Variants in DNAAF4 observed in about 807,000 individuals in gnomAD.
DNAAF4 encodes the protein dynein axonemal assembly factor 4, also known as dynein assembly factor 4, axonemal.
A neutral mutation model predicts 51.8 loss-of-function variants in DNAAF4; 43 were observed. That is an observed-to-expected ratio of 0.83 (90% confidence interval 0.65 to 1.07). DNAAF4 has a LOEUF of 1.07. Among genes scored for constraint, DNAAF4 ranks in the 50% least tolerant of loss-of-function variants. The probability of loss-of-function intolerance (pLI) is 0.00; values close to 1 mark genes in which losing one functional copy is unlikely to be tolerated. For missense variants in DNAAF4, 581 were observed against 493.0 expected, an observed-to-expected ratio of 1.18 and a Z score of -1.69; for synonymous variants, 194 against 165.6, an observed-to-expected ratio of 1.17 and a Z score of -1.32.
At chr15:55,431,448 T>C (rs1361884283) in intron 9 of DNAAF4, among the ~76,000 whole-genome samples, 1 of 151,376 alleles carries the variant, frequency 6.6e-6, no homozygotes, top group Non-Finnish European at 1.5e-5. Flanking sequence ...ATATCCATGA[T>C]ATCTCAAATC....
downstream of DNAAF4, among the ~76,000 whole-genome samples, chr15:55,428,484 C>CTTTTTTTTTT (rs747325376): frequency 3.1e-3 from 268 of 85,100 alleles, 4 homozygotes; most frequent in Middle Eastern, 9.4e-3. Flanking sequence ...TCTTTTTTTT[C>CTTTTTTTTTT]TTTTTTTTTT....
At chr15:55,438,762 G>T (rs1370244551) in intron 7 of DNAAF4, among the ~76,000 whole-genome samples, 1 of 150,796 alleles carries the variant, frequency 6.6e-6, no homozygotes, top group East Asian at 1.9e-4. Context: ...TCCAGCCTGG[G>T]TGATAAAATG....
At chr15:55,457,767 A>C (rs536351398) in intron 5 of DNAAF4, among the ~76,000 whole-genome samples, 27 of 152,300 alleles carry the variant, frequency 1.8e-4, no homozygotes, top group African/African-American at 5.3e-4. Flanking sequence ...TGCACTAAAC[A>C]AAATTACAAC....
At chr15:55,502,542 T>G (rs1405581188) in intron 1 of DNAAF4, among the ~76,000 whole-genome samples, 1 of 152,174 alleles carries the variant, frequency 6.6e-6, no homozygotes, top group African/African-American at 2.4e-5. Flanking sequence ...TAAATTTGTA[T>G]GTTTTTTGTA....
At chr15:55,447,123 C>T (rs1333467583) in intron 6 of DNAAF4, among the ~76,000 whole-genome samples, 2 of 149,088 alleles carry the variant, frequency 1.3e-5, no homozygotes, top group Non-Finnish European at 3.0e-5. Context: ...CGCAGAGGCA[C>T]TCCTCACTTC....
chr15:55,442,630 C>G (rs2057732286), intron 6 of DNAAF4: 1 of 1,524,504 alleles, frequency 6.6e-7, no homozygotes, highest in Non-Finnish European at 9.1e-7. Context: ...ACCAGCAGCT[C>G]TTTATGTCAG....
Position 55,491,173 on chromosome 15 carries a change from CT to C in DNAAF4, c.354del (p.Ala119LeufsTer12), listed in dbSNP as rs2058566495. 6.2e-7 allele frequency: 1 copy of C among 1,614,004 alleles called. No individual in the cohort carries two copies. The highest frequency in any genetic ancestry group is 1.3e-5 in the African/African-American group (1 of 75,006). On this transcript the variant is annotated frameshift_variant, in exon 4 of 10. Transcript: ENST00000321149. LOFTEE classifies it high-confidence loss of function. Reference protein sequence around the residue: ...QERAKEATEAKAAAKREDQKY... With the variant: ...QERAKEATEAXAAAKREDQKY... ...TTTTGATCTTCCCGCTTTGCTGCAGCTTTTGCTTCTGTAGCTTCTTTTGCTC... is the reference window on the plus strand; with the variant it reads ...TTTTGATCTTCCCGCTTTGCTGCAGCTTTGCTTCTGTAGCTTCTTTTGCTC...
intron 3 of DNAAF4, among the ~76,000 whole-genome samples, chr15:55,494,664 G>A (rs1427240556): frequency 6.6e-6 from 1 of 151,960 alleles, no homozygotes; most frequent in East Asian, 1.9e-4. Flanking sequence ...CACCTGCCTC[G>A]GCCTCCCAAA....
At chr15:55,451,737 T>C (rs367941769) in intron 5 of DNAAF4, among the ~76,000 whole-genome samples, 2 of 152,074 alleles carry the variant, frequency 1.3e-5, no homozygotes, top group East Asian at 3.9e-4. Flanking sequence ...TCTCAGCCTT[T>C]CAAGAGCAGG....
intron 4 of DNAAF4, among the ~76,000 whole-genome samples, chr15:55,476,953 C>T (rs1212465970): frequency 2.0e-5 from 3 of 152,036 alleles, no homozygotes; most frequent in African/African-American, 7.2e-5. Flanking sequence ...GGTGGATCAC[C>T]TGAGGTCAGG....
intron 9 of DNAAF4, among the ~76,000 whole-genome samples, chr15:55,431,352 G>A (rs916100680): frequency 9.2e-6 from 1 of 108,462 alleles, no homozygotes; most frequent in Non-Finnish European, 1.9e-5. Context: ...GAGCTTAGGT[G>A]TGTGTATACA....
rs561044033 is a variant in DNAAF4 at position 55,431,283 on chromosome 15, T to C, written c.1154-504A>G. 1.4e-4 allele frequency among the ~76,000 whole-genome samples: 22 copies of C among 151,996 alleles called. No individual in the cohort carries two copies. The South Asian group carries it at 2.9e-3, about 20-fold the overall frequency. On this transcript the variant is annotated intron_variant, in intron 9 of 9. Transcript: ENST00000321149. The stretch of plus-strand genomic sequence containing the variant: ...TATACATAGAGCTAAATTACAGAAC[T>C]TAATACAATCTAACAAATATAAGCA...
intron 1 of DNAAF4, among the ~76,000 whole-genome samples, chr15:55,501,700 A>G (rs1258264689): frequency 6.6e-6 from 1 of 151,762 alleles, no homozygotes; most frequent in Non-Finnish European, 1.5e-5. Flanking sequence ...TAACATAAAA[A>G]GCACTCATTA....
chr15:55,431,070 C>T lies in DNAAF4; in HGVS notation c.1154-291G>A, dbSNP rs571627720. 3.9e-5 allele frequency among the ~76,000 whole-genome samples: 6 copies of T among 151,996 alleles called. No homozygotes were observed. In the East Asian group the frequency reaches 5.8e-4, roughly 15 times the overall value. Reference sequence around the variant, plus strand: ...CTGGGACTACAGGCACCTGCCACCACACCTGGCTAATTTTTTGTATTTTTA... The same window carrying T: ...CTGGGACTACAGGCACCTGCCACCATACCTGGCTAATTTTTTGTATTTTTA... On this transcript the variant is annotated intron_variant, in intron 9 of 9. Coordinates refer to ENST00000321149, the MANE Select transcript of DNAAF4 (RefSeq NM_130810.4).
chr15:55,460,306 A>G (rs2058077381), intron 5 of DNAAF4, among the ~76,000 whole-genome samples: 1 of 151,330 alleles, frequency 6.6e-6, no homozygotes, highest in Admixed American at 6.6e-5. Context: ...CAGCCTCCTG[A>G]GTAGCTGGGA....
At chr15:55,485,299 A>G (rs1393185777) in intron 4 of DNAAF4, among the ~76,000 whole-genome samples, 1 of 152,208 alleles carries the variant, frequency 6.6e-6, no homozygotes, top group Non-Finnish European at 1.5e-5. Flanking sequence ...GGATTTTTTA[A>G]ATGCCAGAAT....
chr15:55,429,120 G>C (rs763982998), downstream of DNAAF4, among the ~76,000 whole-genome samples: 2 of 151,924 alleles, frequency 1.3e-5, no homozygotes, highest in Non-Finnish European at 2.9e-5. Flanking sequence ...TACTTGGAAG[G>C]CTGAGGCAGG....
intron 4 of DNAAF4, among the ~76,000 whole-genome samples, chr15:55,476,820 T>C (rs2058340953): frequency 6.6e-6 from 1 of 152,030 alleles, no homozygotes. Flanking sequence ...GCTGGGAGGA[T>C]AGAGAATAGA....
intron 4 of DNAAF4, among the ~76,000 whole-genome samples, chr15:55,481,799 A>G (rs2058414607): frequency 6.6e-6 from 1 of 152,288 alleles, no homozygotes; most frequent in South Asian, 2.1e-4. Flanking sequence ...TTGGGCCAAA[A>G]GAAAAACCCC....
Sources: allele counts gnomAD v4.1 joint callset (sites outside exome capture counted in the v4.1 genomes callset), GRCh38; gene constraint gnomAD v4.1.1; transcripts MANE v1.5; gene names NCBI Gene and HGNC (gene_info 2026-07-23, HGNC 2026-07-21).